Variants in TBC1D10A observed in about 807,000 individuals in gnomAD.
The protein encoded by TBC1D10A is TBC1 domain family member 10A.
In TBC1D10A, 24 loss-of-function variants were observed where a neutral mutation model predicts 52.9. The ratio of observed to expected loss-of-function variants is 0.45; its 90% CI spans 0.33 to 0.64. TBC1D10A has a LOEUF of 0.64. Among genes scored for constraint, TBC1D10A ranks in the 30% least tolerant of loss-of-function variants. TBC1D10A has a pLI of 0.02. For synonymous variants in TBC1D10A, 278 were observed against 282.9 expected (o/e 0.98, Z 0.17); for missense variants, 602 against 687.9 (o/e 0.88, Z 1.40).
chr22:30,305,397 G>A (rs56148580), intron 1 of TBC1D10A, among the ~76,000 whole-genome samples: 13,513 of 152,276 alleles, frequency 0.089, 672 homozygotes, highest in African/African-American at 0.11. Flanking sequence ...TCAGCACCAA[G>A]GTGCTTTTTT....
rs1386091057 is a variant in TBC1D10A, at chr22:30,292,816, C to T, written c.1086G>A (p.Glu362=). The change falls in exon 9 of 9, where the codon GAG becomes GAA. Residue 362 remains glutamate, a synonymous_variant. Transcript: ENST00000215790. ...GCCGCAGCTGAATGAGGTGTTCGCG[C>T]TCAATCTGGCGCTCTGTCACGGGCA... The part of the protein sequence containing the change: ...VELPVTERQI[E]REHLIQLRRW... 5.6e-6 allele frequency: 9 copies of T among 1,611,538 alleles called. No homozygotes were observed. The East Asian group carries it at 2.0e-4, about 36-fold the overall frequency.
In TBC1D10A at chr22:30,292,406, G is replaced by C. The variant is rs373742072; in HGVS notation, c.1496C>G (p.Thr499Arg). 6.3e-7 allele frequency: 1 copy of C among 1,574,876 alleles called. No individual in the cohort carries two copies. Among genetic ancestry groups the C allele is most frequent in the African/African-American group, 1.4e-5 (1 of 73,704 alleles). ...GTAGGTGTCCTCACTCTCTTGGGAC[G>C]TCAAGCTCTCCTGGGAGCGGTGGTG... Reference protein sequence around the residue: ...SAHHRSQESLTSQESEDTYL With the variant: ...SAHHRSQESLRSQESEDTYL Residue 499 changes from threonine to arginine, a missense_variant, in exon 9 of 9, where the codon ACG becomes AGG. Thr to Arg is a moderately conservative substitution (Grantham distance 71). This residue lies in a region of TBC1D10A where 265 missense variants were observed against 275.1 expected (regional missense o/e 0.96). Coordinates refer to ENST00000215790, the MANE Select transcript of TBC1D10A (RefSeq NM_031937.3).
chr22:30,310,021 C>T (rs983326698), intron 1 of TBC1D10A, among the ~76,000 whole-genome samples: 2 of 152,198 alleles, frequency 1.3e-5, no homozygotes, highest in African/African-American at 4.8e-5. Flanking sequence ...ACACCCTAAG[C>T]AGAAAGTCTG....
At chr22:30,326,235 T>C (rs1185665215) in intron 1 of TBC1D10A, among the ~76,000 whole-genome samples, 1 of 82,236 alleles carries the variant, frequency 1.2e-5, no homozygotes, top group African/African-American at 5.0e-5. Context: ...AGGGCGTCTG[T>C]GGGTTTGTGG....
intron 8 of TBC1D10A, 195 bp downstream of exon 8, chr22:30,293,456 G>A (rs1383355316): frequency 3.3e-5 from 29 of 878,298 alleles, no homozygotes; most frequent in Non-Finnish European, 4.8e-5. Flanking sequence ...AGAAGGCCCT[G>A]CAGAGCCAAG....
At chr22:30,322,323 G>A (rs1930671827) in intron 1 of TBC1D10A, among the ~76,000 whole-genome samples, 2 of 152,108 alleles carry the variant, frequency 1.3e-5, no homozygotes, top group Admixed American at 1.3e-4. Flanking sequence ...AGCCAAGCCA[G>A]AAGAACTAAT....
chr22:30,295,553 G>GC (rs964946984), intron 4 of TBC1D10A, among the ~76,000 whole-genome samples, 184 bp downstream of exon 4: 11 of 152,122 alleles, frequency 7.2e-5, no homozygotes, highest in Non-Finnish European at 1.6e-4. Context: ...AATGAGGAAA[G>GC]CCCCCCCAGA....
chr22:30,293,903 C>A lies in TBC1D10A; in HGVS notation c.895+18G>T, dbSNP rs141575157. On this transcript the variant is annotated intron_variant, in intron 7 of 8. Transcript: ENST00000215790. ...GCTGCTGGGGACAGGGGTGCTCCCC[C>A]CAAGCCCAGCCCAGTACCTTCACAG... is the stretch of plus-strand genomic sequence containing the variant. 1.0e-4 allele frequency: 167 copies of A among 1,607,916 alleles called. No individual in the cohort carries two copies. Among genetic ancestry groups the A allele is most frequent in the Non-Finnish European group, 1.3e-4 (157 of 1,174,918 alleles).
intron 1 of TBC1D10A, among the ~76,000 whole-genome samples, chr22:30,311,282 T>C (rs1332266263): frequency 6.6e-6 from 1 of 152,198 alleles, no homozygotes; most frequent in Non-Finnish European, 1.5e-5. Context: ...TATGAGATCA[T>C]GCAGTGAGGC....
chr22:30,306,639 C>T (rs1224367933), intron 1 of TBC1D10A, among the ~76,000 whole-genome samples: 4 of 152,238 alleles, frequency 2.6e-5, no homozygotes. Flanking sequence ...CCCACTACTA[C>T]TTTAACTGTG....
At chr22:30,326,359 G>C (rs1226066449) in intron 1 of TBC1D10A, among the ~76,000 whole-genome samples, 1 of 151,924 alleles carries the variant, frequency 6.6e-6, no homozygotes, top group Admixed American at 6.6e-5. Context: ...GGTGGGTTTG[G>C]GGCAGTCTGT....
chr22:30,320,923 G>A (rs1013641048), intron 1 of TBC1D10A, among the ~76,000 whole-genome samples: 7 of 152,226 alleles, frequency 4.6e-5, no homozygotes, highest in African/African-American at 1.7e-4. Context: ...TGTGTGAGGA[G>A]GGAGCACACA....
intron 1 of TBC1D10A, among the ~76,000 whole-genome samples, chr22:30,319,510 A>C (rs1021832616): frequency 2.6e-5 from 4 of 152,196 alleles, no homozygotes; most frequent in African/African-American, 9.7e-5. Context: ...GGGTCTGCTG[A>C]GTATTTCTCT....
chr22:30,307,276 C>T (rs897191074), intron 1 of TBC1D10A, among the ~76,000 whole-genome samples: 1 of 152,184 alleles, frequency 6.6e-6, no homozygotes, highest in African/African-American at 2.4e-5. Flanking sequence ...GGCGGCCTCA[C>T]TCATCCTCCA....
chr22:30,323,470 A>AC (rs1183832659), intron 1 of TBC1D10A, among the ~76,000 whole-genome samples: 1 of 152,230 alleles, frequency 6.6e-6, no homozygotes, highest in Non-Finnish European at 1.5e-5. Flanking sequence ...TACCTGTCTG[A>AC]CACCTGATAT....
chr22:30,295,234 C>T (rs1930051655), intron 4 of TBC1D10A, among the ~76,000 whole-genome samples, 179 bp from the exon 5 acceptor site: 1 of 152,140 alleles, frequency 6.6e-6, no homozygotes, highest in African/African-American at 2.4e-5. Context: ...TCTCACGTGC[C>T]CAGAAGGAAG....
At chr22:30,295,160 T>A in intron 4 of TBC1D10A, 105 bp from the exon 5 acceptor site, 5 of 1,103,922 alleles carry the variant, frequency 4.5e-6, no homozygotes, top group Non-Finnish European at 5.3e-6. Flanking sequence ...TGCCCCTCCC[T>A]TGAGAGGGAA....
chr22:30,311,652 C>A (rs1212854410), intron 1 of TBC1D10A, among the ~76,000 whole-genome samples: 1 of 152,202 alleles, frequency 6.6e-6, no homozygotes, highest in Non-Finnish European at 1.5e-5. Flanking sequence ...TCAGCTCCAC[C>A]CTACTCAGTG....
rs768920507 is a variant in TBC1D10A, at chr22:30,297,185, G to C, written c.418-1342C>G. The C allele has an allele frequency of 2.0e-5, 3 of 152,544 alleles. No individual in the cohort carries two copies. The allele number at this position is 152,544 out of a possible 1,614,324, so 9.4% of individuals were successfully genotyped here. A position where few individuals can be genotyped will look rare whatever the true frequency, so the allele number is the denominator to read the frequency against. On this transcript the variant is annotated intron_variant, in intron 3 of 8. Coordinates refer to ENST00000215790, the MANE Select transcript of TBC1D10A (RefSeq NM_031937.3). This position sits in a 1 kb window ranked among gnomAD's most constrained non-coding sequence, Gnocchi z 4.3. ...GAGGAGCGGCTGACAGAGTGTTCAG[G>C]GCTGGAGGGGACAGGGAGGGGCTGG...
Sources: allele counts gnomAD v4.1 joint callset (sites outside exome capture counted in the v4.1 genomes callset), GRCh38; gene constraint gnomAD v4.1.1; regional missense constraint gnomAD v4.1.1; non-coding constraint Gnocchi (gnomAD v3.1); transcripts MANE v1.5; gene names NCBI Gene and HGNC (gene_info 2026-07-23, HGNC 2026-07-21).